The following MMP15 variants were observed in gnomAD, a reference collection of about 807,000 sequenced individuals.
MMP15 encodes the protein matrix metalloproteinase-15.
Under a neutral mutation model 65.0 loss-of-function variants are expected in MMP15, and 36 were observed. The observed-to-expected ratio is 0.55, with a 90% CI of 0.42 to 0.73. The LOEUF is 0.73. Ranked by LOEUF, MMP15 falls within the 30% of genes least tolerant of loss-of-function variation. MMP15 has a pLI of 0.00. For synonymous variants in MMP15, 428 were observed against 410.2 expected (o/e 1.04, Z -0.52); for missense variants, 870 against 987.8 (o/e 0.88, Z 1.60).
intron 3 of MMP15, 98 bp from the exon 4 acceptor site, chr16:58,039,777 C>G: frequency 1.6e-6 from 2 of 1,230,958 alleles, no homozygotes; most frequent in Non-Finnish European, 2.2e-6. Context: ...TAATGACGGG[C>G]TTGTTGGTGA....
chr16:58,030,567 C>G (rs1206342758), intron 1 of MMP15, among the ~76,000 whole-genome samples: 1 of 152,182 alleles, frequency 6.6e-6, no homozygotes, highest in African/African-American at 2.4e-5. Flanking sequence ...GAGATGCCCC[C>G]CATCCTGCTG....
chr16:58,026,201 C>T lies in MMP15; in HGVS notation c.-150C>T, dbSNP rs1027892683. On this transcript the variant is annotated 5_prime_UTR_variant, in exon 1 of 10. Coordinates refer to ENST00000219271, the MANE Select transcript of MMP15 (RefSeq NM_002428.4). ...GCTTCTCCTCGGGCTTGGGAATTTG[C>T]CGAGGCGACCTAGGCGGCTCCGGCG... is the stretch of plus-strand genomic sequence containing the variant. 9.2e-6 allele frequency: 8 copies of T among 872,646 alleles called. No homozygotes were observed. In the East Asian group the frequency reaches 1.0e-4, roughly 11 times the overall value. 54.1% of individuals were successfully genotyped at this position (872,646 alleles called of 1,614,324 possible).
intron 1 of MMP15, among the ~76,000 whole-genome samples, chr16:58,029,019 C>G (rs1486523129): frequency 6.6e-6 from 1 of 152,216 alleles, no homozygotes; most frequent in Non-Finnish European, 1.5e-5. Context: ...CCCCCTACCC[C>G]CTCCTCCCAG....
intron 1 of MMP15, among the ~76,000 whole-genome samples, chr16:58,031,641 C>T (rs928456261): frequency 6.6e-6 from 1 of 152,104 alleles, no homozygotes; most frequent in African/African-American, 2.4e-5. Context: ...AGTGGTCAGA[C>T]CTCAAGACGT....
Position 58,045,714 on chromosome 16 carries a change from CCTCTGGCTT to C in MMP15, c.*269_*277del. On this transcript the variant is annotated 3_prime_UTR_variant, in exon 10 of 10. Coordinates refer to ENST00000219271, the MANE Select transcript of MMP15 (RefSeq NM_002428.4). ...AGACAGGGAATTAGGCCCCCATCAT[CCTCTGGCTT>C]GGCCACAGCCAGGGGAGCAGAGGGG... The C allele has an allele frequency of 2.1e-6, 1 of 469,074 alleles. No individual in the cohort carries two copies. Among genetic ancestry groups the C allele is most frequent in the East Asian group, 3.8e-5 (1 of 26,260 alleles). The allele number at this position is 469,074 out of a possible 1,614,324, so 29.1% of individuals were successfully genotyped here. A position where few individuals can be genotyped will look rare whatever the true frequency, so the allele number is the denominator to read the frequency against.
intron 1 of MMP15, among the ~76,000 whole-genome samples, chr16:58,028,902 G>T (rs2142322368): frequency 6.6e-6 from 1 of 152,362 alleles, no homozygotes; most frequent in South Asian, 2.1e-4. Context: ...CCAGTCTGTA[G>T]CCATTCCGGG....
intron 9 of MMP15, among the ~76,000 whole-genome samples, chr16:58,044,448 C>CT (rs1015226514): frequency 4.6e-5 from 7 of 152,208 alleles, no homozygotes; most frequent in Non-Finnish European, 1.0e-4. Context: ...ACCTTGCCTG[C>CT]TTTGCCAGTG....
intron 9 of MMP15, among the ~76,000 whole-genome samples, chr16:58,044,147 T>C (rs1053248664): frequency 6.6e-6 from 1 of 152,154 alleles, no homozygotes; most frequent in African/African-American, 2.4e-5. Context: ...AGGTCTCTAG[T>C]GCATTTAAGA....
intron 2 of MMP15, 35 bp downstream of exon 2, chr16:58,037,655 C>G (rs780097502): frequency 6.2e-7 from 1 of 1,613,486 alleles, no homozygotes; most frequent in Admixed American, 1.7e-5. Flanking sequence ...CCCACAGGCA[C>G]CTGCCTTCCA....
rs1959562939 is a variant in MMP15 at position 58,046,253 on chromosome 16, C to T, written c.*807C>T. 2 of 152,952 alleles carry T rather than the reference C, an allele frequency of 1.3e-5. No individual in the cohort carries two copies. Among genetic ancestry groups the T allele is most frequent in the African/African-American group, 4.8e-5 (2 of 41,568 alleles). The allele number at this position is 152,952 out of a possible 1,614,324, so 9.5% of individuals were successfully genotyped here. ...AACCCTCTGTTCCTTCCCTGTGCCT[C>T]CTCCCTCCCTCTCCGACTCACACCA... is the stretch of plus-strand genomic sequence containing the variant. On this transcript the variant is annotated 3_prime_UTR_variant, in exon 10 of 10. Coordinates refer to ENST00000219271, the MANE Select transcript of MMP15 (RefSeq NM_002428.4).
chr16:58,041,530 C>A, intron 5 of MMP15, 87 bp from the exon 6 acceptor site: 3 of 1,421,318 alleles, frequency 2.1e-6, no homozygotes, highest in Non-Finnish European at 2.9e-6. Context: ...TTACTTTCCG[C>A]GTGGGTGGGC....
rs1441584890 is a variant in MMP15 at position 58,042,249 on chromosome 16, G to C, written c.1183G>C (p.Val395Leu). 1 of 1,614,104 alleles carries C rather than the reference G, an allele frequency of 6.2e-7. No homozygotes were observed. Among genetic ancestry groups the C allele is most frequent in the East Asian group, 2.2e-5 (1 of 44,880 alleles). Reference protein sequence around the residue: ...FVFKGRWFWRVRHNRVLDNYP... With the variant: ...FVFKGRWFWRLRHNRVLDNYP... ...TCCCCAGGGCCGCTGGTTCTGGCGAGTCCGGCACAACCGCGTCCTGGACAA... is the reference window on the plus strand; with the variant it reads ...TCCCCAGGGCCGCTGGTTCTGGCGACTCCGGCACAACCGCGTCCTGGACAA... Residue 395 changes from valine (V) to leucine (L), a missense_variant, in exon 7 of 10, where the codon GTC becomes CTC. By Grantham distance (32) the Val-to-Leu change is conservative. Coordinates refer to ENST00000219271, the MANE Select transcript of MMP15 (RefSeq NM_002428.4).
At chr16:58,038,198 G>A (rs949667635) in intron 2 of MMP15, 68 bp from the exon 3 acceptor site, 39 of 1,581,502 alleles carry the variant, frequency 2.5e-5, no homozygotes, top group Non-Finnish European at 1.5e-5. Flanking sequence ...GGCGGAAGTG[G>A]CAGTGCCAGA....
intron 1 of MMP15, 55 bp from the exon 2 acceptor site, chr16:58,037,417 A>T: frequency 3.8e-6 from 6 of 1,592,772 alleles, no homozygotes; most frequent in Non-Finnish European, 5.1e-6. Flanking sequence ...CAGGCTGTGC[A>T]TGTTTGGAGG....
chr16:58,035,541 T>C (rs1959313940), intron 1 of MMP15, among the ~76,000 whole-genome samples: 1 of 152,202 alleles, frequency 6.6e-6, no homozygotes, highest in South Asian at 2.1e-4. Context: ...CACAGGGTGG[T>C]GTCAGGCACT....
intron 1 of MMP15, among the ~76,000 whole-genome samples, chr16:58,032,908 C>G (rs1216756300): frequency 2.0e-5 from 3 of 152,252 alleles, no homozygotes; most frequent in African/African-American, 7.2e-5. Flanking sequence ...AGAGACAAAG[C>G]AGAGCCCAGT....
Position 58,040,609 on chromosome 16 carries a change from A to C in MMP15, c.821A>C (p.Asn274Thr). 1 of 1,614,198 alleles carries C rather than the reference A, an allele frequency of 6.2e-7. No individual in the cohort carries two copies. Among genetic ancestry groups the C allele is most frequent in the Middle Eastern group, 1.7e-4 (1 of 6,058 alleles). The part of the protein sequence containing the change: ...ALGLEHSSNP[N>T]AIMAPFYQWK... ...GGGCTGGAGCACTCCAGCAACCCCA[A>C]TGCCATCATGGCGCCGTTCTACCAG... Residue 274 changes from asparagine to threonine, a missense_variant, in exon 5 of 10, where the codon AAT becomes ACT. Transcript: ENST00000219271.
At chr16:58,044,005 G>T (rs1567432256) in intron 9 of MMP15, among the ~76,000 whole-genome samples, 1 of 152,162 alleles carries the variant, frequency 6.6e-6, no homozygotes, top group Admixed American at 6.5e-5. Context: ...GAGCCTGAGT[G>T]GGGCAGGCTT....
rs761863348 is a variant in MMP15, at chr16:58,045,212, C to T, written c.1776C>T (p.Gly592=). 5.6e-6 allele frequency: 9 copies of T among 1,595,698 alleles called. No individual in the cohort carries two copies. The East Asian group carries it at 6.8e-5, about 12-fold the overall frequency. ...AGCCCGGGGCGGACAGCGCAGAGGGCGACGTGGGGGATGGGGATGGGGACT... is the reference window on the plus strand; with the variant it reads ...AGCCCGGGGCGGACAGCGCAGAGGGTGACGTGGGGGATGGGGATGGGGACT... ...GAEPGADSAE[G]DVGDGDGDFG... Residue 592 remains glycine, a synonymous_variant, in exon 10 of 10, where the codon GGC becomes GGT. Coordinates refer to ENST00000219271, the MANE Select transcript of MMP15 (RefSeq NM_002428.4).
Sources: allele counts gnomAD v4.1 joint callset (sites outside exome capture counted in the v4.1 genomes callset), GRCh38; gene constraint gnomAD v4.1.1; transcripts MANE v1.5; gene names NCBI Gene and HGNC (gene_info 2026-07-23, HGNC 2026-07-21).